Variants in FNIP2 observed in about 807,000 individuals in gnomAD.
FNIP2 encodes the protein folliculin-interacting protein 2.
Under a neutral mutation model 108.7 loss-of-function variants are expected in FNIP2, and 32 were observed. The observed-to-expected ratio is 0.29, with a 90% CI of 0.22 to 0.40. FNIP2 has a LOEUF of 0.40. Ranked by LOEUF, FNIP2 falls within the 10% of genes least tolerant of loss-of-function variation. The probability of loss-of-function intolerance (pLI) is 1.00; values close to 1 mark genes in which losing one functional copy is unlikely to be tolerated. For synonymous variants in FNIP2, 480 were observed against 496.7 expected (o/e 0.97, Z 0.45); for missense variants, 1,202 against 1,381.6 (o/e 0.87, Z 2.06).
At chr4:158,798,172 C>T (rs1776650191) in intron 1 of FNIP2, among the ~76,000 whole-genome samples, 7 of 152,054 alleles carry the variant, frequency 4.6e-5, no homozygotes, top group Admixed American at 4.6e-4. Flanking sequence ...TCAAATGATC[C>T]TCCCACCGCA....
chr4:158,793,089 TAAA>T (rs1776474319), intron 1 of FNIP2, among the ~76,000 whole-genome samples: 1 of 152,020 alleles, frequency 6.6e-6, no homozygotes, highest in East Asian at 1.9e-4. Context: ...TGAGGGCAAT[TAAA>T]GAAGGCAGAG....
chr4:158,810,175 A>G (rs984908837), intron 1 of FNIP2, among the ~76,000 whole-genome samples: 1 of 152,240 alleles, frequency 6.6e-6, no homozygotes, highest in Non-Finnish European at 1.5e-5. Context: ...GTAGGAATGG[A>G]AAGAATGTTT....
Position 158,843,764 on chromosome 4 carries a change from G to A in FNIP2, c.728-7557G>A, listed in dbSNP as rs559295039. 3.3e-5 allele frequency among the ~76,000 whole-genome samples: 5 copies of A among 152,326 alleles called. 1 individual carries two copies. In the South Asian group the frequency reaches 1.0e-3, roughly 32 times the overall value. ...AGCCTGGAGAGGAAATAAGGGGTCT[G>A]ATCCCACTGCTACATTTTTTATTTT... On this transcript the variant is annotated intron_variant, in intron 7 of 16. Coordinates refer to ENST00000264433, the MANE Select transcript of FNIP2 (RefSeq NM_020840.3).
chr4:158,847,194 G>T (rs531299602), intron 7 of FNIP2, among the ~76,000 whole-genome samples: 1 of 152,314 alleles, frequency 6.6e-6, no homozygotes, highest in African/African-American at 2.4e-5. Flanking sequence ...TGCAACTCCT[G>T]GGCCAGTTCT....
At chr4:158,833,813 C>A in intron 6 of FNIP2, 185 bp downstream of exon 6, 1 of 1,517,396 alleles carries the variant, frequency 6.6e-7, no homozygotes, top group Non-Finnish European at 8.8e-7. Flanking sequence ...CTGCTGCAAG[C>A]ATGCAGCAGC....
chr4:158,831,836 T>G, intron 3 of FNIP2, 25 bp from the exon 4 acceptor site: 1 of 1,511,738 alleles, frequency 6.6e-7, no homozygotes, highest in South Asian at 1.2e-5. Flanking sequence ...ATGTACTAAC[T>G]TTGATTTTGT....
At chr4:158,848,953 G>C (rs565580568) in intron 7 of FNIP2, among the ~76,000 whole-genome samples, 6 of 152,250 alleles carry the variant, frequency 3.9e-5, no homozygotes, top group African/African-American at 1.4e-4. Flanking sequence ...AGGTAGAATT[G>C]TAATTGGACA....
At chr4:158,876,033 G>A (rs1262521159) in intron 14 of FNIP2, among the ~76,000 whole-genome samples, 2 of 152,000 alleles carry the variant, frequency 1.3e-5, no homozygotes, top group Non-Finnish European at 2.9e-5. Flanking sequence ...TATGCATATG[G>A]CATGTCATGC....
intron 10 of FNIP2, 90 bp downstream of exon 10, chr4:158,859,756 C>T: frequency 9.0e-7 from 1 of 1,110,330 alleles, no homozygotes; most frequent in Non-Finnish European, 1.3e-6. Context: ...AATTGGGGGC[C>T]TGGCAGTTAT....
chr4:158,769,269 C>T lies in FNIP2; in HGVS notation c.57C>T (p.Ser19=), dbSNP rs1775609835. 2 of 1,542,124 alleles carry T rather than the reference C, an allele frequency of 1.3e-6. No homozygotes were observed. The highest frequency in any genetic ancestry group is 1.7e-6 in the Non-Finnish European group (2 of 1,148,452). ...ACAAAAGGGGCAGCAGCGGCAGCTC[C>T]GCGGCGGCGTCTGCCCAGGGCAGGG... ...LFNKRGSSGS[S]AAASAQGRAP... The change falls in exon 1 of 17, where the codon TCC becomes TCT. Residue 19 remains serine, a synonymous_variant. Coordinates refer to ENST00000264433, the MANE Select transcript of FNIP2 (RefSeq NM_020840.3).
chr4:158,796,012 CTG>C (rs1470923328), intron 1 of FNIP2: 1 of 101,518 alleles, frequency 9.9e-6, no homozygotes, highest in Non-Finnish European at 2.2e-5. Flanking sequence ...GACTCGGTGA[CTG>C]TTGTTCCAAG....
At chr4:158,898,504 CTT>C (rs1181115875) in intron 16 of FNIP2, among the ~76,000 whole-genome samples, 1 of 152,196 alleles carries the variant, frequency 6.6e-6, no homozygotes, top group African/African-American at 2.4e-5. Flanking sequence ...TGTGTCCTCT[CTT>C]ATTTCCTTGA....
Position 158,895,960 on chromosome 4 carries a change from G to A in FNIP2, c.3266+95G>A, listed in dbSNP as rs993246259. ...TTAGCCTGTGTCACCCTAAACCTCA[G>A]GCCCTGGTAACCCATCAAAGTATGT... is the stretch of plus-strand genomic sequence containing the variant. On this transcript the variant is annotated intron_variant, in intron 16 of 16. Transcript: ENST00000264433. 14 of 873,280 alleles carry A rather than the reference G, an allele frequency of 1.6e-5. 1 individual carries two copies. The South Asian group carries it at 2.0e-4, about 12-fold the overall frequency. The allele number at this position is 873,280 out of a possible 1,614,324, so 54.1% of individuals were successfully genotyped here.
In FNIP2 at chr4:158,868,794, C is replaced by A; in HGVS notation, c.2158C>A (p.Gln720Lys). The change falls in exon 13 of 17, where the codon CAG becomes AAG. Residue 720 changes from glutamine to lysine, a missense_variant. Around this residue, in one of 5 missense-constraint regions of FNIP2, gnomAD observed 878 missense variants for 990.3 expected, o/e 0.89. Coordinates refer to ENST00000264433, the MANE Select transcript of FNIP2 (RefSeq NM_020840.3). This position sits in a 1 kb window ranked among gnomAD's most constrained non-coding sequence, Gnocchi z 4.6. ...EKPSLEKVTF[Q>K]IGSFASPESD... is the part of the protein sequence containing the mutation. Reference sequence around the variant, plus strand: ...ACCTTCCTTAGAAAAGGTCACTTTCCAGATTGGAAGCTTTGCATCTCCAGA... The same window carrying A: ...ACCTTCCTTAGAAAAGGTCACTTTCAAGATTGGAAGCTTTGCATCTCCAGA... 1 of 1,613,732 alleles carries A rather than the reference C, an allele frequency of 6.2e-7. No homozygotes were observed. The highest frequency in any genetic ancestry group is 8.5e-7 in the Non-Finnish European group (1 of 1,179,890).
intron 6 of FNIP2, chr4:158,833,981 G>A: frequency 1.3e-6 from 1 of 787,926 alleles, no homozygotes; most frequent in East Asian, 6.1e-5. Flanking sequence ...TGCCTCTCTA[G>A]AAATCCAAGG....
At chr4:158,783,720 G>A (rs532871063) in intron 1 of FNIP2, among the ~76,000 whole-genome samples, 1 of 152,118 alleles carries the variant, frequency 6.6e-6, no homozygotes, top group Non-Finnish European at 1.5e-5. Context: ...GAGGACATTT[G>A]AACTGCATTG....
intron 1 of FNIP2, among the ~76,000 whole-genome samples, chr4:158,823,907 A>G (rs1400158998): frequency 6.6e-6 from 1 of 152,218 alleles, no homozygotes; most frequent in Non-Finnish European, 1.5e-5. Context: ...GATGGTTTGA[A>G]AATAAACTTG....
At chr4:158,770,780 G>A (rs577391019) in intron 1 of FNIP2, among the ~76,000 whole-genome samples, 31 of 152,256 alleles carry the variant, frequency 2.0e-4, no homozygotes, top group Admixed American at 7.8e-4. Context: ...CTGTAACCCA[G>A]ACTCCATCAG....
intron 1 of FNIP2, among the ~76,000 whole-genome samples, chr4:158,813,479 T>C (rs940301195): frequency 4.6e-5 from 7 of 152,364 alleles, no homozygotes; most frequent in African/African-American, 1.4e-4. Context: ...ATTTGTATTA[T>C]CGTTGGTGAG....
Sources: gnomAD v4.1 joint callset for allele counts (sites outside exome capture counted in the v4.1 genomes callset) on GRCh38, gnomAD v4.1.1 for gene constraint, gnomAD v4.1.1 regional missense constraint, Gnocchi (gnomAD v3.1) non-coding constraint, MANE v1.5 for transcripts, NCBI Gene and HGNC (gene_info 2026-07-23, HGNC 2026-07-21) for gene names.